The following PDK1 variants were observed in gnomAD, a reference collection of about 807,000 sequenced individuals.
The protein encoded by PDK1 is pyruvate dehydrogenase kinase 1.
Under a neutral mutation model 54.2 loss-of-function variants are expected in PDK1, and 39 were observed. The ratio of observed to expected loss-of-function variants is 0.72; its 90% CI spans 0.56 to 0.94. The LOEUF is 0.94. PDK1 is among the 40% of genes least tolerant of loss of function. PDK1 has a pLI of 0.00. For missense variants in PDK1, 552 were observed against 566.0 expected (o/e 0.98, Z 0.25); for synonymous variants, 221 against 207.1 (o/e 1.07, Z -0.58).
chr2:172,646,331 G>C, the PDK1 span, among the ~76,000 whole-genome samples: 1 of 152,126 alleles, frequency 6.6e-6, no homozygotes, highest in Non-Finnish European at 1.5e-5. Context: ...AAAAGGAAAT[G>C]GTGCTCTGTG....
the PDK1 span, among the ~76,000 whole-genome samples, chr2:172,626,869 GA>G: frequency 6.6e-6 from 1 of 152,140 alleles, no homozygotes; most frequent in Non-Finnish European, 1.5e-5. Context: ...AGAGATTGTT[GA>G]AATGTCTTAT....
the PDK1 span, among the ~76,000 whole-genome samples, chr2:172,623,440 T>A: frequency 6.6e-6 from 1 of 152,178 alleles, no homozygotes; most frequent in South Asian, 2.1e-4. Flanking sequence ...TGTTTTATGT[T>A]TTACAGAAAA....
chr2:172,612,623 C>CA (rs1691498759), downstream of PDK1, among the ~76,000 whole-genome samples: 1 of 151,928 alleles, frequency 6.6e-6, no homozygotes, highest in Non-Finnish European at 1.5e-5. Context: ...TGTATTTAGC[C>CA]AAATACATGC....
the PDK1 span, among the ~76,000 whole-genome samples, chr2:172,676,823 GA>G: frequency 6.6e-6 from 1 of 152,188 alleles, no homozygotes; most frequent in African/African-American, 2.4e-5. Context: ...AATCTTTTGT[GA>G]AAGGAAGATT....
chr2:172,715,032 A>G, the PDK1 span, among the ~76,000 whole-genome samples: 1 of 152,262 alleles, frequency 6.6e-6, no homozygotes, highest in Non-Finnish European at 1.5e-5. Context: ...TAAATGTACA[A>G]GAAAATATAC....
At chr2:172,640,907 T>TCCTTCCTTCCCTC in the PDK1 span, among the ~76,000 whole-genome samples, 1 of 144,806 alleles carries the variant, frequency 6.9e-6, no homozygotes, top group Non-Finnish European at 1.5e-5. Context: ...CCTCCCTCCC[T>TCCTTCCTTCCCTC]CCTTCCTTCC....
chr2:172,618,807 A>C, the PDK1 span, among the ~76,000 whole-genome samples: 2 of 152,216 alleles, frequency 1.3e-5, no homozygotes, highest in South Asian at 2.1e-4. Context: ...CTGAGGTCCC[A>C]GCTGATCCTT....
At chr2:172,615,869 C>T in the PDK1 span, among the ~76,000 whole-genome samples, 3 of 152,152 alleles carry the variant, frequency 2.0e-5, no homozygotes, top group South Asian at 2.1e-4. Flanking sequence ...ATTAGCAAGT[C>T]CATATCCTAA....
At chr2:172,659,660 G>A in the PDK1 span, among the ~76,000 whole-genome samples, 21 of 152,118 alleles carry the variant, frequency 1.4e-4, no homozygotes, top group Non-Finnish European at 2.2e-4. Flanking sequence ...TGAATCAATC[G>A]TGAGGAAAGC....
At chr2:172,633,221 T>C in the PDK1 span, among the ~76,000 whole-genome samples, 1 of 117,782 alleles carries the variant, frequency 8.5e-6, no homozygotes, top group Non-Finnish European at 2.0e-5. Context: ...TAAAAAAAAT[T>C]TTTTTTTTTA....
Position 172,586,328 on chromosome 2 carries a change from C to A in PDK1, c.996C>A (p.Phe332Leu), listed in dbSNP as rs765128682. 6.2e-7 allele frequency: 1 copy of A among 1,613,458 alleles called. No individual in the cohort carries two copies. Reference protein sequence around the residue: ...GVPLRKIDRLFNYMYSTAPRP... With the variant: ...GVPLRKIDRLLNYMYSTAPRP... ...CTTTGAGGAAAATTGACAGACTTTT[C>A]AACTACATGTATTCAACTGCACCAA... The change falls in exon 9 of 11, where the codon TTC becomes TTA. Residue 332 changes from phenylalanine to leucine, a missense_variant. Transcript: ENST00000282077.
the PDK1 span, among the ~76,000 whole-genome samples, chr2:172,648,711 A>C: frequency 6.6e-6 from 1 of 152,338 alleles, no homozygotes; most frequent in African/African-American, 2.4e-5. Flanking sequence ...GGAGGGTCCC[A>C]TGCCCATGGA....
At chr2:172,687,844 T>C in the PDK1 span, among the ~76,000 whole-genome samples, 2 of 152,190 alleles carry the variant, frequency 1.3e-5, no homozygotes, top group Non-Finnish European at 2.9e-5. Context: ...CCCGACAAGA[T>C]GGGGACTCCT....
At chr2:172,581,050 A>G (rs988847232) in intron 8 of PDK1, among the ~76,000 whole-genome samples, 1 of 151,968 alleles carries the variant, frequency 6.6e-6, no homozygotes, top group Non-Finnish European at 1.5e-5. Context: ...ATTAAAAACC[A>G]TTCAATTATA....
At chr2:172,645,404 G>A in the PDK1 span, among the ~76,000 whole-genome samples, 1 of 150,832 alleles carries the variant, frequency 6.6e-6, no homozygotes, top group African/African-American at 2.4e-5. Context: ...AACTACAGGC[G>A]CTTGCCACCA....
the PDK1 span, among the ~76,000 whole-genome samples, chr2:172,720,581 G>A: frequency 6.6e-6 from 1 of 152,096 alleles, no homozygotes; most frequent in Non-Finnish European, 1.5e-5. Flanking sequence ...CCTTTTCAAG[G>A]CAGCCAAACT....
At chr2:172,664,524 C>T in the PDK1 span, among the ~76,000 whole-genome samples, 13 of 151,996 alleles carry the variant, frequency 8.6e-5, no homozygotes, top group South Asian at 2.5e-3. Context: ...GTAAATTTTT[C>T]CCATTACTCA....
At chr2:172,708,216 G>A in the PDK1 span, among the ~76,000 whole-genome samples, 1 of 152,040 alleles carries the variant, frequency 6.6e-6, no homozygotes, top group African/African-American at 2.4e-5. Flanking sequence ...CTGAGCCTGG[G>A]TGGTAGAGGC....
chr2:172,697,507 C>T, the PDK1 span, among the ~76,000 whole-genome samples: 172 of 152,204 alleles, frequency 1.1e-3, no homozygotes, highest in Non-Finnish European at 2.3e-3. Flanking sequence ...GGGCAACTGC[C>T]TTCCTTATCT....
Sources: allele counts gnomAD v4.1 joint callset (sites outside exome capture counted in the v4.1 genomes callset), GRCh38; gene constraint gnomAD v4.1.1; transcripts MANE v1.5; gene names NCBI Gene and HGNC (gene_info 2026-07-23, HGNC 2026-07-21).